GNAQ: variants seen among roughly 807,000 people sequenced by gnomAD.
GNAQ encodes the protein G protein subunit alpha q, also known as guanine nucleotide-binding protein G(q) subunit alpha.
GNAQ carries 8 observed loss-of-function variants against 43.9 expected under a neutral mutation model. The observed-to-expected ratio is 0.18, with a 90% confidence interval of 0.11 to 0.33. The LOEUF (loss-of-function observed/expected upper bound fraction) is 0.33, where lower values mean the gene tolerates loss of function less well. GNAQ is among the 10% of genes least tolerant of loss of function. GNAQ has a pLI of 1.00. For missense variants in GNAQ, 158 were observed against 450.8 expected (o/e 0.35, Z 5.88); for synonymous variants, 155 against 170.7 (o/e 0.91, Z 0.71).
rs568961687 is a variant in GNAQ at position 78,012,662 on chromosome 9, A to G, written c.136+18438T>C. Among the ~76,000 whole-genome samples, 11 of 152,344 alleles carry G rather than the reference A, an allele frequency of 7.2e-5. 1 individual carries two copies. The East Asian group carries it at 1.9e-3, about 27-fold the overall frequency. ...TTGAGAGAAGAAATATTTGGTGATA[A>G]GCATTTAAACACAGAACTAATGCTA... is the stretch of plus-strand genomic sequence containing the variant. On this transcript the variant is annotated intron_variant, in intron 1 of 6. Coordinates refer to ENST00000286548, the MANE Select transcript of GNAQ (RefSeq NM_002072.5).
intron 2 of GNAQ, among the ~76,000 whole-genome samples, chr9:77,858,983 C>T (rs902097025): frequency 1.3e-5 from 2 of 152,120 alleles, no homozygotes; most frequent in African/African-American, 4.8e-5. Flanking sequence ...TAGGCCCCAT[C>T]ACACTAGCTA....
chr9:77,809,853 TG>T (rs1826890233), intron 3 of GNAQ, among the ~76,000 whole-genome samples: 1 of 152,128 alleles, frequency 6.6e-6, no homozygotes, highest in South Asian at 2.1e-4. Flanking sequence ...GTCTGGATTT[TG>T]GGGGAGAGGG....
intron 2 of GNAQ, among the ~76,000 whole-genome samples, chr9:77,911,459 A>G (rs1828801939): frequency 6.6e-6 from 1 of 152,180 alleles, no homozygotes. Context: ...TTAGGCACAA[A>G]TGAGTAATAA....
At chr9:77,913,092 G>T (rs1828835036) in intron 2 of GNAQ, among the ~76,000 whole-genome samples, 1 of 152,100 alleles carries the variant, frequency 6.6e-6, no homozygotes, top group South Asian at 2.1e-4. Flanking sequence ...ATGTAAACTG[G>T]TATGATCACT....
intron 1 of GNAQ, among the ~76,000 whole-genome samples, chr9:77,924,832 G>T (rs1294710752): frequency 1.3e-5 from 2 of 152,000 alleles, no homozygotes; most frequent in Non-Finnish European, 2.9e-5. Flanking sequence ...AACACACCCA[G>T]GGATCCTTTC....
At chr9:77,734,161 C>T (rs1825537595) in intron 5 of GNAQ, among the ~76,000 whole-genome samples, 1 of 152,224 alleles carries the variant, frequency 6.6e-6, no homozygotes, top group African/African-American at 2.4e-5. Context: ...TTCCCTCTGT[C>T]AAAAGTCAGC....
At chr9:78,004,207 A>T (rs1291398725) in intron 1 of GNAQ, among the ~76,000 whole-genome samples, 1 of 151,364 alleles carries the variant, frequency 6.6e-6, no homozygotes, top group Non-Finnish European at 1.5e-5. Context: ...AAGTTGGTAT[A>T]TAAATACTCC....
intron 2 of GNAQ, among the ~76,000 whole-genome samples, chr9:77,840,352 TG>T (rs986714721): frequency 9.6e-6 from 1 of 103,802 alleles, no homozygotes; most frequent in Non-Finnish European, 2.3e-5. Flanking sequence ...GATTACTTTT[TG>T]TTTTTTTTTT....
chr9:77,877,298 T>C (rs994110059), intron 2 of GNAQ, among the ~76,000 whole-genome samples: 47 of 152,330 alleles, frequency 3.1e-4, no homozygotes, highest in Middle Eastern at 3.4e-3. Flanking sequence ...AAGGGTATCA[T>C]TGGTTTTTCA....
chr9:77,830,016 G>A (rs563560104), intron 2 of GNAQ, among the ~76,000 whole-genome samples: 13 of 152,086 alleles, frequency 8.5e-5, no homozygotes, highest in African/African-American at 3.1e-4. Context: ...TACAGGGCAC[G>A]ATCATAGCTC....
chr9:77,732,679 G>C (rs1436367758), intron 5 of GNAQ, among the ~76,000 whole-genome samples: 2 of 152,152 alleles, frequency 1.3e-5, no homozygotes, highest in Admixed American at 1.3e-4. Flanking sequence ...TACTAGTAAA[G>C]GTTTTACTAC....
At chr9:77,847,471 A>G (rs923841056) in intron 2 of GNAQ, among the ~76,000 whole-genome samples, 1 of 152,210 alleles carries the variant, frequency 6.6e-6, no homozygotes. Flanking sequence ...CTGTGGGCAG[A>G]GTGCTGCCTT....
intron 2 of GNAQ, among the ~76,000 whole-genome samples, chr9:77,881,499 C>T (rs1587384121): frequency 6.6e-6 from 1 of 152,180 alleles, no homozygotes; most frequent in Non-Finnish European, 1.5e-5. Flanking sequence ...CCACCTCAGC[C>T]CCCCGAGTAG....
intron 2 of GNAQ, among the ~76,000 whole-genome samples, chr9:77,818,729 C>T (rs771732603): frequency 6.6e-6 from 1 of 152,044 alleles, no homozygotes; most frequent in Non-Finnish European, 1.5e-5. Context: ...GCCAGCCATG[C>T]TGGCTCATGC....
chr9:77,959,739 C>T (rs1164660228), intron 1 of GNAQ, among the ~76,000 whole-genome samples: 1 of 152,000 alleles, frequency 6.6e-6, no homozygotes, highest in Non-Finnish European at 1.5e-5. Context: ...TTTACCAATA[C>T]TCAAAGTATA....
chr9:77,783,337 T>C (rs1826426021), intron 5 of GNAQ, among the ~76,000 whole-genome samples: 1 of 152,226 alleles, frequency 6.6e-6, no homozygotes, highest in Non-Finnish European at 1.5e-5. Context: ...AAAAATTAAA[T>C]AGTGGTAATG....
intron 2 of GNAQ, among the ~76,000 whole-genome samples, chr9:77,826,126 A>T (rs1418661414): frequency 2.0e-5 from 3 of 152,182 alleles, no homozygotes. Flanking sequence ...GCTTCCCACT[A>T]TTGTCAAGAA....
intron 2 of GNAQ, among the ~76,000 whole-genome samples, chr9:77,819,889 A>G (rs927599652): frequency 1.3e-5 from 2 of 151,728 alleles, no homozygotes; most frequent in African/African-American, 4.8e-5. Flanking sequence ...TTGTAATTCC[A>G]CTTCCACCCA....
Position 77,869,567 on chromosome 9 carries a change from C to A in GNAQ, c.321+52594G>T, listed in dbSNP as rs957438365. On this transcript the variant is annotated intron_variant, in intron 2 of 6. Coordinates refer to ENST00000286548, the MANE Select transcript of GNAQ (RefSeq NM_002072.5). ...AAATGTAAAGAGGACAGGAATGAGA[C>A]CTTCCTAAATACTACTCTAATAACA... 3.3e-5 allele frequency among the ~76,000 whole-genome samples: 5 copies of A among 152,246 alleles called. No homozygotes were observed. The East Asian group carries it at 9.6e-4, about 29-fold the overall frequency.
Sources: gnomAD v4.1 joint callset for allele counts (sites outside exome capture counted in the v4.1 genomes callset) on GRCh38, gnomAD v4.1.1 for gene constraint, MANE v1.5 for transcripts, NCBI Gene and HGNC (gene_info 2026-07-23, HGNC 2026-07-21) for gene names.